Variants in RHOF observed in about 807,000 individuals in gnomAD.
RHOF encodes ras homolog family member F, filopodia associated, also known as rho-related GTP-binding protein RhoF.
In RHOF, 21 loss-of-function variants were observed where a neutral mutation model predicts 22.2. The observed-to-expected ratio is 0.95, with a 90% CI of 0.67 to 1.36. The LOEUF is 1.36. RHOF is among the 40% of genes most tolerant of loss of function. The probability of loss-of-function intolerance (pLI) is 0.00; values close to 1 mark genes in which losing one functional copy is unlikely to be tolerated. For missense variants in RHOF, 285 were observed against 293.7 expected, an observed-to-expected ratio of 0.97 and a Z score of 0.22; for synonymous variants, 135 against 131.2, an observed-to-expected ratio of 1.03 and a Z score of -0.20.
Position 121,778,576 on chromosome 12 carries a change from C to T in RHOF, c.*922G>A, listed in dbSNP as rs1187431240. Reference sequence around the variant, plus strand: ...ATGAACCAGTTCTGAGAAACTGTCCCGCGTGGACAGGGGGTAGATCCCATC... The same window carrying T: ...ATGAACCAGTTCTGAGAAACTGTCCTGCGTGGACAGGGGGTAGATCCCATC... On this transcript the variant is annotated 3_prime_UTR_variant, in exon 5 of 5. Coordinates refer to ENST00000267205, the MANE Select transcript of RHOF (RefSeq NM_019034.3). 8 of 152,108 alleles carry T rather than the reference C, an allele frequency of 5.3e-5. No individual in the cohort carries two copies. The highest frequency in any genetic ancestry group is 1.3e-4 in the Admixed American group (2 of 15,258). 9.4% of individuals were successfully genotyped at this position (152,108 alleles called of 1,614,324 possible). A position where few individuals can be genotyped will look rare whatever the true frequency, so the allele number is the denominator to read the frequency against.
chr12:121,780,700 GT>G (rs1251234965), intron 4 of RHOF, 171 bp downstream of exon 4: 2 of 718,466 alleles, frequency 2.8e-6, no homozygotes, highest in African/African-American at 3.6e-5. Flanking sequence ...GGGAGTAGTC[GT>G]GTAAAGTGCT....
chr12:121,793,251 G>A lies in RHOF; in HGVS notation c.139-12C>T, dbSNP rs1385922901. 2 of 1,550,474 alleles carry A rather than the reference G, an allele frequency of 1.3e-6. No individual in the cohort carries two copies. Among genetic ancestry groups the A allele is most frequent in the African/African-American group, 1.4e-5 (1 of 73,062 alleles). ...GATGGGGCGTAGTGCTGCGGGAGAG[G>A]GGGTCGGGTTGGTCCTTAGTGGGGC... is the stretch of plus-strand genomic sequence containing the variant. On this transcript the variant is annotated splice_polypyrimidine_tract_variant and intron_variant, in intron 1 of 4. Coordinates refer to ENST00000267205, the MANE Select transcript of RHOF (RefSeq NM_019034.3).
chr12:121,781,353 C>T (rs1342801545), intron 2 of RHOF, 161 bp from the exon 3 acceptor site: 2 of 627,870 alleles, frequency 3.2e-6, no homozygotes, highest in South Asian at 3.9e-5. Flanking sequence ...GGCCTGTGGT[C>T]GCAGCTACTC....
chr12:121,789,246 C>CAA (rs5801463), intron 2 of RHOF, among the ~76,000 whole-genome samples: 2,601 of 150,762 alleles, frequency 0.017, 33 homozygotes, highest in African/African-American at 0.035. Flanking sequence ...TTCCCCACCT[C>CAA]AAAAAAAAAC....
chr12:121,784,927 CCA>C (rs1874566678), intron 2 of RHOF, among the ~76,000 whole-genome samples: 1 of 152,176 alleles, frequency 6.6e-6, no homozygotes, highest in Admixed American at 6.5e-5. Context: ...ATGTTTGAAA[CCA>C]CAGTCTAGAA....
At chr12:121,791,459 G>A (rs1476287470) in intron 2 of RHOF, among the ~76,000 whole-genome samples, 1 of 152,192 alleles carries the variant, frequency 6.6e-6, no homozygotes, top group African/African-American at 2.4e-5. Context: ...TGGGGTCAAA[G>A]CCCAGATCTG....
At chr12:121,780,729 A>G in intron 4 of RHOF, 143 bp downstream of exon 4, 1 of 952,692 alleles carries the variant, frequency 1.0e-6, no homozygotes, top group Non-Finnish European at 1.5e-6. Flanking sequence ...ACAGGCCATC[A>G]ATACTAATAG....
intron 4 of RHOF, 141 bp downstream of exon 4, chr12:121,780,729 AAT>A: frequency 1.0e-6 from 1 of 952,692 alleles, no homozygotes; most frequent in Non-Finnish European, 1.5e-6. Context: ...ACAGGCCATC[AAT>A]ACTAATAGTT....
rs1351864003 is a variant in RHOF, at chr12:121,779,566, TGGC to T, written c.565_567del (p.Ala189del). ...TTCTTCAGAGCGCTGAGAGCCACCT[TGGC>T]GGCCTCCCGGAAGACGTCCTCCACA... is the stretch of plus-strand genomic sequence containing the variant. On this transcript the variant is annotated inframe_deletion, in exon 5 of 5. Transcript: ENST00000267205. The T allele has an allele frequency of 4.3e-6, 7 of 1,614,130 alleles. No individual in the cohort carries two copies. The South Asian group carries it at 4.4e-5, about 10-fold the overall frequency.
chr12:121,779,667 G>GT lies in RHOF; in HGVS notation c.472-6dup. 1 of 1,613,664 alleles carries GT rather than the reference G, an allele frequency of 6.2e-7. No individual in the cohort carries two copies. Among genetic ancestry groups the GT allele is most frequent in the East Asian group, 2.2e-5 (1 of 44,880 alleles). On this transcript the variant is annotated splice_polypyrimidine_tract_variant and splice_region_variant and intron_variant, in intron 4 of 4. Transcript: ENST00000267205. ...CTGTTCGCAGGCGCTCAGGCCCTGG[G>GT]TGGGGGGAGGAGCCAGCATTAGGTG...
intron 2 of RHOF, 28 bp downstream of exon 2, chr12:121,793,124 G>C: frequency 6.5e-7 from 1 of 1,543,242 alleles, no homozygotes. Context: ...GCGGACCCTC[G>C]GGCCCCCCGG....
chr12:121,783,120 C>T (rs73413730), intron 2 of RHOF: 4,161 of 152,268 alleles, frequency 0.027, 228 homozygotes, highest in African/African-American at 0.093. Flanking sequence ...TTCTACTGGA[C>T]GGTGGGCCCC....
At position 121,790,383 on chromosome 12, in the gene RHOF, C is replaced by T. The variant is rs1874733438; in HGVS notation, c.226+2769G>A. Among the ~76,000 whole-genome samples, 2 of 152,280 alleles carry T rather than the reference C, an allele frequency of 1.3e-5. 1 individual carries two copies. The highest frequency in any genetic ancestry group is 1.3e-4 in the Admixed American group (2 of 15,292). ...CTCATTTCTGGCTTGGCCATTCCCTCACCCTCTTGGCCTTTGCCTCTCTCT... is the reference window on the plus strand; with the variant it reads ...CTCATTTCTGGCTTGGCCATTCCCTTACCCTCTTGGCCTTTGCCTCTCTCT... On this transcript the variant is annotated intron_variant, in intron 2 of 4. Transcript: ENST00000267205.
intron 2 of RHOF, among the ~76,000 whole-genome samples, chr12:121,785,453 G>T (rs1300170818): frequency 2.1e-5 from 3 of 145,184 alleles, no homozygotes; most frequent in Non-Finnish European, 3.0e-5. Context: ...TGGAGACAGG[G>T]TCTTGCTCTG....
rs539282630 is a variant in RHOF at position 121,779,948 on chromosome 12, C to A, written c.472-286G>T. 1.2e-3 allele frequency: 310 copies of A among 268,810 alleles called. No homozygotes were observed. The African/African-American group carries it at 0.015, about 13-fold the overall frequency. The allele number at this position is 268,810 out of a possible 1,614,324, so 16.7% of individuals were successfully genotyped here. A position where few individuals can be genotyped will look rare whatever the true frequency, so the allele number is the denominator to read the frequency against. On this transcript the variant is annotated intron_variant, in intron 4 of 4. Coordinates refer to ENST00000267205, the MANE Select transcript of RHOF (RefSeq NM_019034.3). ...TCCTGAGACCCGGGGTTGGTTCCCC[C>A]AGGTGTCTCCCAGGCCTGTGAGAAG...
chr12:121,779,714 A>C (rs1222257289), intron 4 of RHOF, 52 bp from the exon 5 acceptor site: 2 of 1,597,830 alleles, frequency 1.3e-6, no homozygotes, highest in East Asian at 2.2e-5. Context: ...GAGGTCTCCT[A>C]GCACCACCTG....
chr12:121,787,957 G>C (rs1464799113), intron 2 of RHOF, among the ~76,000 whole-genome samples: 1 of 150,854 alleles, frequency 6.6e-6, no homozygotes, highest in African/African-American at 2.4e-5. Flanking sequence ...GAGTGCAGTG[G>C]TGTGATCATA....
At chr12:121,791,928 C>A (rs1408553240) in intron 2 of RHOF, among the ~76,000 whole-genome samples, 1 of 152,210 alleles carries the variant, frequency 6.6e-6, no homozygotes, top group Non-Finnish European at 1.5e-5. Flanking sequence ...TGTCCCAGAC[C>A]ATGACTTTTA....
In RHOF at chr12:121,793,560, A is replaced by G; in HGVS notation, c.74T>C (p.Val25Ala). 1 of 1,551,160 alleles carries G rather than the reference A, an allele frequency of 6.4e-7. No homozygotes were observed. ...PGRKELKIVI[V>A]GDGGCGKTSL... ...GGTCTTGCCGCAGCCGCCGTCGCCC[A>G]CGATCACGATCTTCAGCTCCTTCCT... is the stretch of plus-strand genomic sequence containing the variant. The change falls in exon 1 of 5, where the codon GTG (valine) becomes GCG (alanine). Residue 25 changes from valine (V) to alanine (A), a missense_variant. By Grantham distance (64) the Val-to-Ala change is moderately conservative. Transcript: ENST00000267205.
Sources: allele counts gnomAD v4.1 joint callset (sites outside exome capture counted in the v4.1 genomes callset), GRCh38; gene constraint gnomAD v4.1.1; transcripts MANE v1.5; gene names NCBI Gene and HGNC (gene_info 2026-07-23, HGNC 2026-07-21).